Variants in LMO7 observed in about 807,000 individuals in gnomAD.
The protein encoded by LMO7 is LIM domain 7, also known as LIM domain only protein 7.
LMO7 carries 120 observed loss-of-function variants against 206.5 expected under a neutral mutation model. The ratio of observed to expected loss-of-function variants is 0.58; its 90% CI spans 0.50 to 0.68. The LOEUF (loss-of-function observed/expected upper bound fraction) is 0.68, where lower values mean the gene tolerates loss of function less well. LMO7 is among the 30% of genes least tolerant of loss of function. The pLI is 0.00. For synonymous variants in LMO7, 706 were observed against 681.5 expected, an observed-to-expected ratio of 1.04 and a Z score of -0.56; for missense variants, 1,959 against 1,957.9, an observed-to-expected ratio of 1.00 and a Z score of -0.01.
chr13:75,635,104 G>T (rs2035610729), upstream of LMO7, among the ~76,000 whole-genome samples: 1 of 152,102 alleles, frequency 6.6e-6, no homozygotes, highest in South Asian at 2.1e-4. Context: ...CAGAAAAGGT[G>T]ATACATAAGG....
intron 2 of LMO7, among the ~76,000 whole-genome samples, chr13:75,625,374 C>G (rs2033890761): frequency 6.6e-6 from 1 of 152,008 alleles, no homozygotes; most frequent in African/African-American, 2.4e-5. Flanking sequence ...ATAATAGAGG[C>G]TGATAGCCCT....
At chr13:75,849,432 A>G (rs1404322926) in intron 27 of LMO7, 140 bp downstream of exon 27, 2 of 629,942 alleles carry the variant, frequency 3.2e-6, no homozygotes, top group Non-Finnish European at 5.6e-6. Flanking sequence ...GTCAGTTTAC[A>G]TGACCACATC....
chr13:75,808,417 G>T (rs2141083309), intron 10 of LMO7, among the ~76,000 whole-genome samples: 1 of 152,288 alleles, frequency 6.6e-6, no homozygotes, highest in South Asian at 2.1e-4. Flanking sequence ...ATTTAGGCCT[G>T]TTTAAGACTG....
At chr13:75,726,959 T>G in intron 2 of LMO7, 70 bp from the exon 3 acceptor site, 1 of 859,308 alleles carries the variant, frequency 1.2e-6, no homozygotes, top group Non-Finnish European at 2.0e-6. Context: ...TATATGTGAT[T>G]TTTGAGAATG....
At chr13:75,789,614 G>A (rs950681632) in intron 4 of LMO7, among the ~76,000 whole-genome samples, 5 of 152,110 alleles carry the variant, frequency 3.3e-5, no homozygotes, top group Non-Finnish European at 7.3e-5. Context: ...ATGGACTCTG[G>A]TATGCAACCA....
intron 4 of LMO7, among the ~76,000 whole-genome samples, chr13:75,784,191 T>C (rs1232357347): frequency 1.3e-5 from 2 of 152,192 alleles, no homozygotes; most frequent in African/African-American, 4.8e-5. Flanking sequence ...CAGAGAATTA[T>C]GAGGTTCAAA....
chr13:75,706,673 C>A (rs1350822117), intron 1 of LMO7, among the ~76,000 whole-genome samples: 1 of 152,082 alleles, frequency 6.6e-6, no homozygotes, highest in Non-Finnish European at 1.5e-5. Flanking sequence ...ATTAACTGAA[C>A]ATTTTTATTT....
intron 1 of LMO7, among the ~76,000 whole-genome samples, chr13:75,666,860 A>G (rs1003905581): frequency 6.6e-6 from 1 of 152,214 alleles, no homozygotes; most frequent in African/African-American, 2.4e-5. Context: ...GAAGCCAGCC[A>G]AACAGCTATT....
Position 75,636,374 on chromosome 13 carries a change from G to T in LMO7, c.-284G>T. 1 of 1,266,554 alleles carries T rather than the reference G, an allele frequency of 7.9e-7. No homozygotes were observed. Among genetic ancestry groups the T allele is most frequent in the Non-Finnish European group, 1.0e-6 (1 of 1,003,368 alleles). 78.5% of individuals were successfully genotyped at this position (1,266,554 alleles called of 1,614,324 possible). A position where few individuals can be genotyped will look rare whatever the true frequency, so the allele number is the denominator to read the frequency against. ...TGCCGCGCGCTGCCGCTGGGCACCC[G>T]CTTCGCTTCCCGCGTCCTGCCTGAC... is the stretch of plus-strand genomic sequence containing the variant. On this transcript the variant is annotated 5_prime_UTR_variant, in exon 1 of 31. Coordinates refer to ENST00000377534, the MANE Select transcript of LMO7 (RefSeq NM_001306080.2).
chr13:75,751,843 G>A (rs948848572), intron 3 of LMO7, among the ~76,000 whole-genome samples: 4 of 152,134 alleles, frequency 2.6e-5, no homozygotes, highest in African/African-American at 7.2e-5. Flanking sequence ...AGACATTTCT[G>A]TATTGCTACA....
At chr13:75,797,583 C>G (rs764397930) in intron 6 of LMO7, among the ~76,000 whole-genome samples, 1 of 152,156 alleles carries the variant, frequency 6.6e-6, no homozygotes, top group African/African-American at 2.4e-5. Context: ...GATACCACAC[C>G]AGTAAGGCAT....
chr13:75,841,313 G>A, intron 23 of LMO7, 112 bp downstream of exon 23: 1 of 695,648 alleles, frequency 1.4e-6, no homozygotes, highest in Non-Finnish European at 2.4e-6. Flanking sequence ...ATGTTCACCT[G>A]TGTAGCTCTT....
In LMO7 at chr13:75,853,332, C is replaced by A. The variant is rs753598722; in HGVS notation, c.4605C>A (p.Pro1535=). The A allele has an allele frequency of 6.2e-6, 10 of 1,613,422 alleles. No individual in the cohort carries two copies. The African/African-American group carries it at 1.2e-4, about 19-fold the overall frequency. The change falls in exon 28 of 31, where the codon CCC becomes CCA. Residue 1535 remains proline, a synonymous_variant. Transcript: ENST00000377534. ...STTGVATTQS[P]TPRSHSPSAS... ...CAGGTGTGGCCACCACACAGTCCCC[C>A]ACCCCGAGAAGCCATTCCCCTTCAG... is the stretch of plus-strand genomic sequence containing the variant.
At chr13:75,663,358 G>A (rs1222361421) in intron 1 of LMO7, among the ~76,000 whole-genome samples, 1 of 151,042 alleles carries the variant, frequency 6.6e-6, no homozygotes, top group Non-Finnish European at 1.5e-5. Flanking sequence ...CTGTAAATAG[G>A]GCTTTGGAAT....
At chr13:75,737,782 T>TAAAAAA (rs71127577) in intron 3 of LMO7, among the ~76,000 whole-genome samples, 3 of 36,338 alleles carry the variant, frequency 8.3e-5, no homozygotes, top group African/African-American at 1.6e-4. Context: ...TAAAATAAAA[T>TAAAAAA]AAAAAAAAAA....
upstream of LMO7, among the ~76,000 whole-genome samples, chr13:75,635,497 C>T (rs1207762242): frequency 4.6e-5 from 7 of 152,210 alleles, no homozygotes; most frequent in Non-Finnish European, 1.0e-4. Context: ...CATAACCTGC[C>T]ACCTCGCTGT....
chr13:75,851,694 G>T (rs1207229579), intron 27 of LMO7, among the ~76,000 whole-genome samples: 1 of 149,134 alleles, frequency 6.7e-6, no homozygotes, highest in Non-Finnish European at 1.5e-5. Context: ...GTTAGTACAT[G>T]AATTTTAAGA....
chr13:75,647,055 T>C (rs1171168530), intron 1 of LMO7, among the ~76,000 whole-genome samples: 2 of 139,024 alleles, frequency 1.4e-5, no homozygotes, highest in Admixed American at 1.6e-4. Flanking sequence ...TGCCTCTGCA[T>C]TATATACATA....
At chr13:75,754,250 C>A (rs2047497905) in intron 3 of LMO7, among the ~76,000 whole-genome samples, 1 of 152,164 alleles carries the variant, frequency 6.6e-6, no homozygotes, top group Admixed American at 6.5e-5. Context: ...TTTATCCATT[C>A]TGGATATTTT....
Sources: gnomAD v4.1 joint callset for allele counts (sites outside exome capture counted in the v4.1 genomes callset) on GRCh38, gnomAD v4.1.1 for gene constraint, MANE v1.5 for transcripts, NCBI Gene and HGNC (gene_info 2026-07-23, HGNC 2026-07-21) for gene names.